HIVEP1: variants seen among roughly 807,000 people sequenced by gnomAD.
The protein encoded by HIVEP1 is HIVEP zinc finger 1, also known as zinc finger protein 40.
A neutral mutation model predicts 180.0 loss-of-function variants in HIVEP1; 36 were observed. The observed-to-expected ratio is 0.20, with a 90% CI of 0.15 to 0.26. The LOEUF (loss-of-function observed/expected upper bound fraction) is 0.26, where lower values mean the gene tolerates loss of function less well. HIVEP1 is among the 10% of genes least tolerant of loss of function. HIVEP1 has a pLI of 1.00. For synonymous variants in HIVEP1, 1,239 were observed against 1,239.0 expected (o/e 1.00, Z 0.00); for missense variants, 3,143 against 3,268.7 (o/e 0.96, Z 0.94).
At position 12,122,231 on chromosome 6, in the gene HIVEP1, A is replaced by G. The variant is rs1285995804; in HGVS notation, c.2436A>G (p.Ser812=). The change falls in exon 4 of 9, where the codon TCA becomes TCG. Residue 812 remains serine (S), a synonymous_variant. Transcript: ENST00000379388. ...GTTCAAGCTCTGATATACCGAAGTC[A>G]CCTTTCACCCCTACTGAAAAATCAA... ...RTSSSSDIPK[S]PFTPTEKSKQ... 2 of 1,614,100 alleles carry G rather than the reference A, an allele frequency of 1.2e-6. No individual in the cohort carries two copies. The highest frequency in any genetic ancestry group is 1.7e-6 in the Non-Finnish European group (2 of 1,180,038).
At chr6:12,139,061 C>T (rs745945853) in intron 7 of HIVEP1, among the ~76,000 whole-genome samples, 23 of 151,940 alleles carry the variant, frequency 1.5e-4, no homozygotes, top group Admixed American at 1.0e-3. Context: ...GTGGTTCTAC[C>T]CTGTTCCTTT....
At chr6:12,095,591 G>T (rs1773737802) in intron 3 of HIVEP1, among the ~76,000 whole-genome samples, 2 of 149,534 alleles carry the variant, frequency 1.3e-5, no homozygotes. Flanking sequence ...AACCATTTAG[G>T]ATATCCAAAA....
At chr6:12,009,323 C>A (rs1297723393), upstream of HIVEP1, among the ~76,000 whole-genome samples, 1 of 151,974 alleles carries the variant, frequency 6.6e-6, no homozygotes, top group Non-Finnish European at 1.5e-5. Context: ...TGTGCCCTCT[C>A]CAAACTGTTC....
chr6:12,135,066 A>G (rs953509841), intron 6 of HIVEP1, among the ~76,000 whole-genome samples: 2 of 152,232 alleles, frequency 1.3e-5, no homozygotes, highest in African/African-American at 4.8e-5. Flanking sequence ...CCTTATGGGA[A>G]TCGAGGCCAG....
At chr6:12,201,718 G>A in the HIVEP1 span, among the ~76,000 whole-genome samples, 185 of 152,132 alleles carry the variant, frequency 1.2e-3, 1 homozygote, top group African/African-American at 4.4e-3. Context: ...TATTTTCATC[G>A]TATTTTGTTT....
chr6:12,141,307 A>G (rs1759011797), intron 7 of HIVEP1, among the ~76,000 whole-genome samples: 1 of 152,146 alleles, frequency 6.6e-6, no homozygotes, highest in African/African-American at 2.4e-5. Flanking sequence ...AATCCTTTAT[A>G]GACAAGCAAA....
chr6:12,168,898 T>C (rs893792965), downstream of HIVEP1, among the ~76,000 whole-genome samples: 7 of 152,262 alleles, frequency 4.6e-5, no homozygotes, highest in Admixed American at 1.3e-4. Context: ...TTTTTGTCGT[T>C]GTTGTTGTTG....
chr6:12,011,594 A>C (rs1581475913), upstream of HIVEP1, among the ~76,000 whole-genome samples: 1 of 104,856 alleles, frequency 9.5e-6, no homozygotes, highest in Non-Finnish European at 2.0e-5. Context: ...CTGCGCTGCC[A>C]CCTCCTCCCG....
intron 7 of HIVEP1, among the ~76,000 whole-genome samples, chr6:12,156,092 C>T (rs1031456838): frequency 6.6e-6 from 1 of 151,952 alleles, no homozygotes; most frequent in Non-Finnish European, 1.5e-5. Context: ...GCTTTTTAAT[C>T]GGGTTACTTT....
intron 2 of HIVEP1, among the ~76,000 whole-genome samples, chr6:12,035,391 C>T (rs1352093807): frequency 1.3e-5 from 2 of 152,148 alleles, no homozygotes; most frequent in Non-Finnish European, 2.9e-5. Flanking sequence ...CATGCTTTTT[C>T]TTCTTTTTTA....
chr6:12,146,118 A>G (rs1759359872), intron 7 of HIVEP1, among the ~76,000 whole-genome samples: 1 of 152,214 alleles, frequency 6.6e-6, no homozygotes, highest in Non-Finnish European at 1.5e-5. Flanking sequence ...TCTATAATCT[A>G]GGAAATAATT....
chr6:12,050,619 G>T (rs1770448585), intron 2 of HIVEP1, among the ~76,000 whole-genome samples: 1 of 151,910 alleles, frequency 6.6e-6, no homozygotes, highest in South Asian at 2.1e-4. Flanking sequence ...AAACACCATG[G>T]GTCCAGCTGG....
upstream of HIVEP1, among the ~76,000 whole-genome samples, chr6:12,009,735 C>G (rs1400007249): frequency 6.6e-6 from 1 of 152,244 alleles, no homozygotes; most frequent in African/African-American, 2.4e-5. Context: ...GGAAAAGAAA[C>G]TGCATTTAGA....
rs772425454 is a variant in HIVEP1 at position 12,164,275 on chromosome 6, A to C, written c.7971A>C (p.Pro2657=). 6.2e-7 allele frequency: 1 copy of C among 1,614,106 alleles called. No homozygotes were observed. Among genetic ancestry groups the C allele is most frequent in the South Asian group, 1.1e-5 (1 of 91,084 alleles). ...AACTCACTTCCATACAGGGCCAACC[A>C]GCGTCCACGTCACAACCTCTGCTGA... ...KPELTSIQGQ[P]ASTSQPLLKA... The change falls in exon 9 of 9, where the codon CCA becomes CCC. Residue 2657 remains proline (P), a synonymous_variant. Transcript: ENST00000379388.
chr6:12,150,209 T>C (rs1260128645), intron 7 of HIVEP1, among the ~76,000 whole-genome samples: 1 of 152,354 alleles, frequency 6.6e-6, no homozygotes, highest in African/African-American at 2.4e-5. Context: ...TCGGGAATTT[T>C]GTTCTCCTGT....
At chr6:12,210,692 C>T in the HIVEP1 span, among the ~76,000 whole-genome samples, 9 of 152,110 alleles carry the variant, frequency 5.9e-5, no homozygotes, top group Admixed American at 5.9e-4. Context: ...GGAAATGATA[C>T]ACCTTTGTAA....
intron 2 of HIVEP1, chr6:12,038,287 C>T (rs1476622634): frequency 6.6e-6 from 1 of 151,772 alleles, no homozygotes; most frequent in East Asian, 1.9e-4. Context: ...TTTTTTTAAT[C>T]CTGTGTATTT....
chr6:12,062,769 G>A (rs891873247), intron 2 of HIVEP1, among the ~76,000 whole-genome samples: 1 of 152,184 alleles, frequency 6.6e-6, no homozygotes, highest in Non-Finnish European at 1.5e-5. Context: ...AGATAAGAAA[G>A]GGATAGACCA....
chr6:12,054,003 T>C (rs370935626), intron 2 of HIVEP1, among the ~76,000 whole-genome samples: 13 of 152,234 alleles, frequency 8.5e-5, no homozygotes, highest in African/African-American at 2.9e-4. Flanking sequence ...ATCAGAAACG[T>C]AGGTTATCTT....
Sources: allele counts gnomAD v4.1 joint callset (sites outside exome capture counted in the v4.1 genomes callset), GRCh38; gene constraint gnomAD v4.1.1; transcripts MANE v1.5; gene names NCBI Gene and HGNC (gene_info 2026-07-23, HGNC 2026-07-21).